Variants in NIN observed in about 807,000 individuals in gnomAD.
NIN encodes the protein glycogen synthase kinase 3 beta-interacting protein.
A neutral mutation model predicts 257.6 loss-of-function variants in NIN; 137 were observed. The ratio of observed to expected loss-of-function variants is 0.53; its 90% CI spans 0.46 to 0.61. The LOEUF (loss-of-function observed/expected upper bound fraction) is 0.61. NIN is among the 20% of genes least tolerant of loss of function. The pLI is 0.00. For synonymous variants in NIN, 918 were observed against 919.8 expected (o/e 1.00, Z 0.04); for missense variants, 2,439 against 2,501.2 (o/e 0.98, Z 0.53).
intron 29 of NIN, 106 bp downstream of exon 29, chr14:50,729,417 G>A: frequency 9.4e-7 from 1 of 1,064,030 alleles, no homozygotes; most frequent in South Asian, 1.6e-5. Flanking sequence ...CTACAGGTGT[G>A]TGCCATTAGA....
intron 26 of NIN, among the ~76,000 whole-genome samples, chr14:50,738,545 G>T (rs1452861340): frequency 6.6e-6 from 1 of 152,200 alleles, no homozygotes; most frequent in African/African-American, 2.4e-5. Context: ...CTCTCCAGGA[G>T]TCAACAGTGT....
chr14:50,764,521 C>T (rs1028762169), intron 14 of NIN, among the ~76,000 whole-genome samples: 8 of 152,150 alleles, frequency 5.3e-5, no homozygotes, highest in African/African-American at 1.2e-4. Flanking sequence ...CATACAAAAA[C>T]GTGCGCACAA....
At position 50,763,777 on chromosome 14, in the gene NIN, T is replaced by C. The variant is rs182487755; in HGVS notation, c.1774+49A>G. 1.5e-4 allele frequency: 232 copies of C among 1,536,940 alleles called. No individual in the cohort carries two copies. The East Asian group carries it at 4.9e-3, about 32-fold the overall frequency. On this transcript the variant is annotated intron_variant, in intron 15 of 30. Transcript: ENST00000530997. The stretch of plus-strand genomic sequence containing the variant: ...GCAATTTTATATTGAACCACGTTTC[T>C]AAAAACAAGAGTAAAGGCTTTATCT...
chr14:50,783,954 G>C (rs189655775), intron 5 of NIN, among the ~76,000 whole-genome samples: 39 of 143,580 alleles, frequency 2.7e-4, no homozygotes, highest in Admixed American at 1.7e-3. Flanking sequence ...TGGAAAAGTA[G>C]GGGGGAAAGC....
Position 50,732,617 on chromosome 14 carries a change from C to A in NIN, c.5878-2894G>T, listed in dbSNP as rs1051445585. Reference sequence around the variant, plus strand: ...AATTCTATGTTAGGTATATATTTATCACAGGTTAAAAATTAATATACTAAA... The same window carrying A: ...AATTCTATGTTAGGTATATATTTATAACAGGTTAAAAATTAATATACTAAA... On this transcript the variant is annotated intron_variant, in intron 28 of 30. Transcript: ENST00000530997. Among the ~76,000 whole-genome samples the A allele has an allele frequency of 3.3e-5, 5 of 152,136 alleles. No individual in the cohort carries two copies. The South Asian group carries it at 6.2e-4, about 19-fold the overall frequency.
chr14:50,762,295 A>G (rs1433635877), intron 15 of NIN, among the ~76,000 whole-genome samples: 2 of 152,180 alleles, frequency 1.3e-5, no homozygotes, highest in Non-Finnish European at 2.9e-5. Context: ...ACTCCTACCC[A>G]TCCAACAAAT....
chr14:50,759,474 C>T lies in NIN; in HGVS notation c.2399+383G>A, dbSNP rs551311814. On this transcript the variant is annotated intron_variant, in intron 17 of 30. Transcript: ENST00000530997. ...GGGCTATTATGCCTTCTGACTTCTTCAAGTCTCTTAAGCGACTGGCACTTT... is the reference window on the plus strand; with the variant it reads ...GGGCTATTATGCCTTCTGACTTCTTTAAGTCTCTTAAGCGACTGGCACTTT... 1.3e-4 allele frequency among the ~76,000 whole-genome samples: 20 copies of T among 150,494 alleles called. 1 individual carries two copies. The South Asian group carries it at 3.8e-3, about 28-fold the overall frequency.
intron 4 of NIN, chr14:50,806,384 C>T (rs781512353): frequency 9.9e-5 from 17 of 172,170 alleles, no homozygotes; most frequent in Non-Finnish European, 4.9e-5. Context: ...GGTCACTCTT[C>T]TACCTTCAGG....
At chr14:50,805,201 G>A (rs747804235) in intron 4 of NIN, among the ~76,000 whole-genome samples, 7 of 151,950 alleles carry the variant, frequency 4.6e-5, no homozygotes, top group Non-Finnish European at 8.8e-5. Context: ...CTACCCTGGC[G>A]GTGATGTCAA....
At position 50,720,729 on chromosome 14, in the gene NIN, T is replaced by C. The variant is rs187347160; in HGVS notation, c.*2734A>G. The C allele has an allele frequency of 2.9e-4, 60 of 204,426 alleles. No individual in the cohort carries two copies. Among genetic ancestry groups the C allele is most frequent in the East Asian group, 2.7e-3 (36 of 13,278 alleles). 12.7% of individuals were successfully genotyped at this position (204,426 alleles called of 1,614,324 possible). A position where few individuals can be genotyped will look rare whatever the true frequency, so the allele number is the denominator to read the frequency against. ...CTCCCTTCACAAATCTAAGCTTAAGTGCAGGCTTCTAAAAAGCAGAAGAGA... is the reference window on the plus strand; with the variant it reads ...CTCCCTTCACAAATCTAAGCTTAAGCGCAGGCTTCTAAAAAGCAGAAGAGA... On this transcript the variant is annotated 3_prime_UTR_variant, in exon 31 of 31. Coordinates refer to ENST00000530997, the MANE Select transcript of NIN (RefSeq NM_020921.4).
intron 29 of NIN, chr14:50,727,281 AG>A: frequency 1.0e-6 from 1 of 974,598 alleles, no homozygotes; most frequent in Non-Finnish European, 1.2e-6. Flanking sequence ...CCTGTCAAAA[AG>A]ATTTGTACAT....
intron 5 of NIN, among the ~76,000 whole-genome samples, chr14:50,785,981 C>G (rs1044244780): frequency 9.2e-5 from 14 of 152,174 alleles, no homozygotes; most frequent in South Asian, 2.1e-4. Flanking sequence ...TCTTTAAAGG[C>G]AATTAAGTGC....
chr14:50,811,544 C>CTTTT lies in NIN; in HGVS notation c.184-4730_184-4727dup, dbSNP rs55734117. Among the ~76,000 whole-genome samples, 390 of 75,286 alleles carry CTTTT rather than the reference C, an allele frequency of 5.2e-3. 16 individuals carry two copies. The highest frequency in any genetic ancestry group is 6.9e-3 in the Non-Finnish European group (285 of 41,354). The allele number at this position is 75,286 out of a possible 152,430, so 49.4% of individuals were successfully genotyped here. A position where few individuals can be genotyped will look rare whatever the true frequency, so the allele number is the denominator to read the frequency against. ...AAATTTTAAATCCCCAATGGTCAAG[C>CTTTT]TTTTTTTTTTTTTTTTTTTTTTTTT... is the stretch of plus-strand genomic sequence containing the variant. On this transcript the variant is annotated intron_variant, in intron 3 of 30. Transcript: ENST00000530997.
At chr14:50,744,424 G>A in intron 22 of NIN, 59 bp from the exon 23 acceptor site, 4 of 1,570,600 alleles carry the variant, frequency 2.5e-6, no homozygotes, top group Admixed American at 3.6e-5. Context: ...AGTACAAAGG[G>A]GTATTTCTAA....
chr14:50,771,896 A>T (rs1285768164), intron 9 of NIN: 1 of 183,670 alleles, frequency 5.4e-6, no homozygotes, highest in Non-Finnish European at 1.1e-5. Context: ...GAGGCAGGAG[A>T]ATCTCTTGAA....
intron 7 of NIN, among the ~76,000 whole-genome samples, chr14:50,775,195 TCTC>T (rs751796048): frequency 1.3e-5 from 2 of 151,774 alleles, no homozygotes; most frequent in Non-Finnish European, 2.9e-5. Context: ...TTTAGAAAAA[TCTC>T]CTGATTTTTT....
chr14:50,802,500 T>C (rs1182336782), intron 4 of NIN, among the ~76,000 whole-genome samples: 2 of 152,312 alleles, frequency 1.3e-5, no homozygotes, highest in East Asian at 3.9e-4. Flanking sequence ...TTTGTTTTTA[T>C]AGAATTTATA....
At position 50,758,303 on chromosome 14, in the gene NIN, G is replaced by A. The variant is rs138423265; in HGVS notation, c.2727C>T (p.Val909=). The A allele has an allele frequency of 1.2e-5, 20 of 1,614,006 alleles. 1 individual carries two copies. The highest frequency in any genetic ancestry group is 1.2e-4 in the African/African-American group (9 of 74,908). The change falls in exon 18 of 31, where the codon GTC becomes GTT. Residue 909 remains valine (V), a synonymous_variant. Transcript: ENST00000530997. The part of the protein sequence containing the change: ...KTYKEHLNSM[V]VERQQLLQDL... ...CTTGGAGTAGCTGCTGTCTCTCGAC[G>A]ACCATGCTGTTCAAATGTTCTTTGT... is the stretch of plus-strand genomic sequence containing the variant.
At chr14:50,730,349 G>A (rs1200102739) in intron 28 of NIN, among the ~76,000 whole-genome samples, 4 of 152,310 alleles carry the variant, frequency 2.6e-5, no homozygotes, top group African/African-American at 7.2e-5. Context: ...TCAAGACAAT[G>A]AGGAAATGTG....
Sources: gnomAD v4.1 joint callset for allele counts (sites outside exome capture counted in the v4.1 genomes callset) on GRCh38, gnomAD v4.1.1 for gene constraint, MANE v1.5 for transcripts, NCBI Gene and HGNC (gene_info 2026-07-23, HGNC 2026-07-21) for gene names.